MESD: variants seen among roughly 807,000 people sequenced by gnomAD.
The protein encoded by MESD is LRP chaperone MESD.
In MESD, 7 loss-of-function variants were observed where a neutral mutation model predicts 12.9. The ratio of observed to expected loss-of-function variants is 0.54; its 90% CI spans 0.31 to 1.02. The LOEUF (loss-of-function observed/expected upper bound fraction) is 1.02, where lower values mean the gene tolerates loss of function less well. Ranked by LOEUF, MESD falls within the 50% of genes least tolerant of loss-of-function variation. The pLI, the probability that MESD is intolerant of heterozygous loss-of-function variation, is 0.05. For synonymous variants in MESD, 126 were observed against 115.6 expected (o/e 1.09, Z -0.58); for missense variants, 342 against 296.7 (o/e 1.15, Z -1.12).
intron 3 of MESD, among the ~76,000 whole-genome samples, chr15:80,960,842 G>T (rs530477841): frequency 6.6e-6 from 1 of 152,176 alleles, no homozygotes; most frequent in Non-Finnish European, 1.5e-5. Context: ...CCAAGAGGCC[G>T]AGACATGTCC....
intron 3 of MESD, among the ~76,000 whole-genome samples, chr15:80,956,931 C>A (rs2141786016): frequency 6.6e-6 from 1 of 152,264 alleles, no homozygotes; most frequent in East Asian, 1.9e-4. Context: ...GATCCTCCTA[C>A]CTCACCCCCT....
chr15:80,951,202 G>A (rs1293096417), intron 4 of MESD: 1 of 152,666 alleles, frequency 6.6e-6, no homozygotes, highest in Non-Finnish European at 1.5e-5. Flanking sequence ...CTTAGGATGT[G>A]ATCACTTTCA....
downstream of MESD, chr15:80,947,025 G>T: frequency 1.2e-6 from 2 of 1,614,120 alleles, no homozygotes; most frequent in African/African-American, 2.7e-5. Context: ...GGACCAGAGT[G>T]CTGGAAAAGC....
intron 3 of MESD, among the ~76,000 whole-genome samples, chr15:80,969,785 G>T (rs906009338): frequency 1.3e-5 from 2 of 152,178 alleles, no homozygotes; most frequent in Non-Finnish European, 2.9e-5. Flanking sequence ...AATCCGGGAG[G>T]CGGAAGTTGC....
At chr15:80,988,951 A>T (rs1409916937) in intron 1 of MESD, among the ~76,000 whole-genome samples, 1 of 152,162 alleles carries the variant, frequency 6.6e-6, no homozygotes, top group Non-Finnish European at 1.5e-5. Context: ...AAACCAGAAA[A>T]CTTACTCTCC....
At chr15:80,958,877 C>T (rs572296073) in intron 3 of MESD, among the ~76,000 whole-genome samples, 15 of 152,162 alleles carry the variant, frequency 9.9e-5, no homozygotes, top group Admixed American at 2.0e-4. Context: ...TGAGGAAAAG[C>T]CCCTAGAGTA....
In MESD at chr15:80,979,818, C is replaced by T. The variant is rs142144789; in HGVS notation, c.447-341G>A. On this transcript the variant is annotated intron_variant, in intron 2 of 2. Coordinates refer to ENST00000261758, the MANE Select transcript of MESD (RefSeq NM_015154.3). ...TGCTGGGGAGGTAAAGAGGCAGCTTCGATCTGATCTGTATCTGTTTTATAT... is the reference window on the plus strand; with the variant it reads ...TGCTGGGGAGGTAAAGAGGCAGCTTTGATCTGATCTGTATCTGTTTTATAT... Among the ~76,000 whole-genome samples, 336 of 152,276 alleles carry T rather than the reference C, an allele frequency of 2.2e-3. 3 individuals carry two copies. Among genetic ancestry groups the T allele is most frequent in the African/African-American group, 7.6e-3 (317 of 41,560 alleles).
In MESD at chr15:80,966,238, G is replaced by C. The variant is rs965904613; in HGVS notation, c.*288+12693C>G. Among the ~76,000 whole-genome samples the C allele has an allele frequency of 1.3e-5, 2 of 151,714 alleles. 1 individual carries two copies. Among genetic ancestry groups the C allele is most frequent in the African/African-American group, 4.8e-5 (2 of 41,256 alleles). ...GGACCTACTAATTACATACATATCT[G>C]GGGATTTAGCCTAATGAAATAGAGC... On this transcript the variant is annotated intron_variant, in intron 3 of 4. Coordinates refer to the MESD transcript ENST00000561312.
At chr15:80,953,387 C>G (rs1323977358) in intron 3 of MESD, among the ~76,000 whole-genome samples, 2 of 152,182 alleles carry the variant, frequency 1.3e-5, no homozygotes, top group Non-Finnish European at 2.9e-5. Context: ...CCCAGCTAGA[C>G]GCACAGCAAA....
chr15:80,982,711 A>G (rs529581423), intron 1 of MESD, among the ~76,000 whole-genome samples: 56 of 152,344 alleles, frequency 3.7e-4, no homozygotes, highest in Admixed American at 2.0e-3. Context: ...AATGGACACA[A>G]GAGAACTTTT....
intron 1 of MESD, among the ~76,000 whole-genome samples, chr15:80,984,992 G>A (rs1469558393): frequency 1.3e-5 from 2 of 152,210 alleles, no homozygotes; most frequent in Non-Finnish European, 2.9e-5. Flanking sequence ...CCCTGCCTAA[G>A]AATCCTTACG....
chr15:80,969,433 T>C (rs908466030), intron 3 of MESD, among the ~76,000 whole-genome samples: 17 of 152,082 alleles, frequency 1.1e-4, no homozygotes, highest in East Asian at 7.8e-4. Context: ...AGCACTTACA[T>C]GGGGAGTGCT....
At chr15:80,959,224 A>G (rs982788601) in intron 3 of MESD, among the ~76,000 whole-genome samples, 6 of 152,220 alleles carry the variant, frequency 3.9e-5, no homozygotes, top group African/African-American at 7.2e-5. Flanking sequence ...CTGCCATGTG[A>G]GAGGGTAGAG....
At chr15:80,975,601 C>A (rs560248450), downstream of MESD, 7 of 151,308 alleles carry the variant, frequency 4.6e-5, no homozygotes, top group South Asian at 1.5e-3. Context: ...GTGGTTAATG[C>A]ATACTAAGTT....
chr15:80,983,394 G>A (rs1316566721), intron 1 of MESD, among the ~76,000 whole-genome samples: 1 of 152,156 alleles, frequency 6.6e-6, no homozygotes, highest in Non-Finnish European at 1.5e-5. Flanking sequence ...GTATGGGCTA[G>A]CAATTCTGAG....
chr15:80,988,966 A>C lies in MESD; in HGVS notation c.213+613T>G, dbSNP rs368354933. Among the ~76,000 whole-genome samples the C allele has an allele frequency of 2.2e-3, 331 of 152,318 alleles. 3 individuals are homozygous for C. The highest frequency in any genetic ancestry group is 7.5e-3 in the African/African-American group (313 of 41,552). On this transcript the variant is annotated intron_variant, in intron 1 of 2. Transcript: ENST00000261758. ...AAACCAGAAAACTTACTCTCCTTTGAACAAAAAGCGTGAGTTTCACGATAC... is the reference window on the plus strand; with the variant it reads ...AAACCAGAAAACTTACTCTCCTTTGCACAAAAAGCGTGAGTTTCACGATAC...
chr15:80,973,945 A>C (rs1446829761), downstream of MESD, among the ~76,000 whole-genome samples: 1 of 152,198 alleles, frequency 6.6e-6, no homozygotes, highest in South Asian at 2.1e-4. Context: ...GGGTTACTAC[A>C]GAGTGAAGCA....
downstream of MESD, among the ~76,000 whole-genome samples, chr15:80,971,397 TC>T (rs1902285526): frequency 6.6e-6 from 1 of 152,168 alleles, no homozygotes; most frequent in African/African-American, 2.4e-5. Flanking sequence ...CTCTGAGCCA[TC>T]TTCTCAGCTA....
chr15:80,955,653 C>T (rs1002984796), intron 3 of MESD, among the ~76,000 whole-genome samples: 5 of 143,310 alleles, frequency 3.5e-5, no homozygotes, highest in African/African-American at 1.3e-4. Context: ...GAGACAGAGT[C>T]TCTTTAGCCC....
Sources: gnomAD v4.1 joint callset for allele counts (sites outside exome capture counted in the v4.1 genomes callset) on GRCh38, gnomAD v4.1.1 for gene constraint, MANE v1.5 for transcripts, NCBI Gene and HGNC (gene_info 2026-07-23, HGNC 2026-07-21) for gene names.